PRKG1: variants seen among roughly 807,000 people sequenced by gnomAD.
PRKG1 encodes the protein protein kinase cGMP-dependent 1, also known as cGMP-dependent protein kinase 1.
PRKG1 carries 35 observed loss-of-function variants against 88.1 expected under a neutral mutation model. The observed-to-expected ratio is 0.40, with a 90% CI of 0.30 to 0.53. The LOEUF (loss-of-function observed/expected upper bound fraction) is 0.53. Among genes scored for constraint, PRKG1 ranks in the 20% least tolerant of loss-of-function variants. PRKG1 has a pLI of 0.59. For missense variants in PRKG1, 540 were observed against 839.8 expected (o/e 0.64, Z 4.41); for synonymous variants, 303 against 292.5 (o/e 1.04, Z -0.37).
intron 3 of PRKG1, among the ~76,000 whole-genome samples, chr10:51,636,067 G>A (rs1839648221): frequency 1.3e-5 from 2 of 152,044 alleles, no homozygotes; most frequent in African/African-American, 4.8e-5. Context: ...TAAATAAATG[G>A]GAAACTTCTG....
chr10:51,875,431 A>ATTGG (rs1234150560), intron 4 of PRKG1, among the ~76,000 whole-genome samples: 7 of 151,694 alleles, frequency 4.6e-5, no homozygotes, highest in East Asian at 2.0e-4. Flanking sequence ...TAATTGATTG[A>ATTGG]TTGGTTGGTT....
chr10:51,374,093 A>AAAAAAAATATATATATATATAT, intron 2 of PRKG1, among the ~76,000 whole-genome samples: 8 of 100,180 alleles, frequency 8.0e-5, no homozygotes, highest in African/African-American at 2.4e-4. Flanking sequence ...AAAAAAAAAA[A>AAAAAAAATATATATATATATAT]ATATATATAT....
intron 2 of PRKG1, among the ~76,000 whole-genome samples, chr10:51,354,191 A>C (rs1193652911): frequency 1.9e-5 from 1 of 52,296 alleles, no homozygotes; most frequent in Non-Finnish European, 3.2e-5. Context: ...GGGGACGGTT[A>C]ATGGGCACAA....
rs146383137 is a variant in PRKG1 at position 51,593,161 on chromosome 10, G to C, written c.592+125325G>C. 5.8e-4 allele frequency among the ~76,000 whole-genome samples: 88 copies of C among 152,262 alleles called. 1 individual carries two copies. Among genetic ancestry groups the C allele is most frequent in the African/African-American group, 2.0e-3 (84 of 41,558 alleles). Reference sequence around the variant, plus strand: ...CCATTTGGAGGTCTCTTCTAAATTAGTTTATTCTATTTTGCTTTTGCAGTA... The same window carrying C: ...CCATTTGGAGGTCTCTTCTAAATTACTTTATTCTATTTTGCTTTTGCAGTA... On this transcript the variant is annotated intron_variant, in intron 3 of 17. Transcript: ENST00000373980.
intron 4 of PRKG1, among the ~76,000 whole-genome samples, chr10:51,812,479 G>A (rs765619796): frequency 6.6e-6 from 1 of 152,164 alleles, no homozygotes; most frequent in Non-Finnish European, 1.5e-5. Context: ...AGTTTTCAGT[G>A]CATCTCATCG....
At chr10:52,202,723 T>C (rs958579496) in intron 9 of PRKG1, among the ~76,000 whole-genome samples, 1 of 152,060 alleles carries the variant, frequency 6.6e-6, no homozygotes, top group Non-Finnish European at 1.5e-5. Context: ...ATGACCTGTT[T>C]AGGGTTTCGG....
chr10:51,376,284 C>T (rs1372264848), intron 2 of PRKG1, among the ~76,000 whole-genome samples: 1 of 152,194 alleles, frequency 6.6e-6, no homozygotes, highest in Non-Finnish European at 1.5e-5. Flanking sequence ...TTCTAGCTTA[C>T]ATTTTTTACA....
intron 17 of PRKG1, among the ~76,000 whole-genome samples, chr10:52,291,313 G>A (rs1438984316): frequency 6.6e-6 from 1 of 151,036 alleles, no homozygotes. Flanking sequence ...GTGCAGGTTA[G>A]TTACATATGT....
At chr10:51,567,046 A>G (rs1698104827) in intron 3 of PRKG1, among the ~76,000 whole-genome samples, 1 of 152,108 alleles carries the variant, frequency 6.6e-6, no homozygotes, top group South Asian at 2.1e-4. Context: ...CACAACACTA[A>G]GTTGTTCATC....
chr10:51,847,785 T>C (rs1840438107), intron 4 of PRKG1, among the ~76,000 whole-genome samples: 1 of 131,422 alleles, frequency 7.6e-6, no homozygotes, highest in Non-Finnish European at 1.5e-5. Context: ...CTGAGGTGCT[T>C]GAACCCAGGA....
intron 9 of PRKG1, among the ~76,000 whole-genome samples, chr10:52,187,139 AC>A (rs1839221196): frequency 6.6e-6 from 1 of 152,198 alleles, no homozygotes; most frequent in African/African-American, 2.4e-5. Flanking sequence ...CAATTAATTC[AC>A]TTGGATAATC....
intron 8 of PRKG1, among the ~76,000 whole-genome samples, chr10:52,137,909 C>G (rs369173722): frequency 1.3e-5 from 2 of 152,048 alleles, no homozygotes; most frequent in African/African-American, 4.8e-5. Flanking sequence ...ACTAAAAGTT[C>G]TATTAAGATA....
rs115628146 is a variant in PRKG1, at chr10:52,205,844, T to A, written c.1076+43881T>A. The stretch of plus-strand genomic sequence containing the variant: ...TTCCTTCTCTCTAGCTGCTTAAAAT[T>A]TTTTTTTTCTTTCATGTCAACCTTG... On this transcript the variant is annotated intron_variant, in intron 9 of 17. Coordinates refer to ENST00000373980, the MANE Select transcript of PRKG1 (RefSeq NM_006258.4). 3.6e-3 allele frequency among the ~76,000 whole-genome samples: 552 copies of A among 151,856 alleles called. 3 individuals carry two copies. The highest frequency in any genetic ancestry group is 0.013 in the African/African-American group (520 of 41,410).
chr10:51,470,271 C>T (rs563538109), intron 3 of PRKG1, among the ~76,000 whole-genome samples: 2 of 151,870 alleles, frequency 1.3e-5, no homozygotes, highest in Admixed American at 1.3e-4. Flanking sequence ...ATTTTCCTGT[C>T]GTCATGTCAT....
chr10:52,129,828 T>C (rs1395486550), intron 7 of PRKG1, among the ~76,000 whole-genome samples: 1 of 152,216 alleles, frequency 6.6e-6, no homozygotes, highest in Non-Finnish European at 1.5e-5. Context: ...ATAATTTTCA[T>C]AATGATGGAC....
chr10:52,150,952 C>T (rs1837895847), intron 8 of PRKG1, among the ~76,000 whole-genome samples: 1 of 152,062 alleles, frequency 6.6e-6, no homozygotes. Flanking sequence ...TAGAATATAT[C>T]AGCTATAGAT....
intron 2 of PRKG1, among the ~76,000 whole-genome samples, chr10:51,431,647 C>T (rs1299209242): frequency 1.3e-5 from 2 of 152,102 alleles, no homozygotes; most frequent in African/African-American, 4.8e-5. Flanking sequence ...GCAGTCTATC[C>T]TCAGTTGGGG....
intron 4 of PRKG1, among the ~76,000 whole-genome samples, chr10:51,863,699 C>CCA (rs1344929454): frequency 2.0e-5 from 3 of 152,154 alleles, no homozygotes; most frequent in African/African-American, 4.8e-5. Context: ...CAAGAAGGCC[C>CCA]TCACTAAATT....
At chr10:51,879,804 C>A (rs185143822) in intron 4 of PRKG1, among the ~76,000 whole-genome samples, 20 of 152,170 alleles carry the variant, frequency 1.3e-4, no homozygotes, top group African/African-American at 4.3e-4. Flanking sequence ...GAATTGAATG[C>A]CACCTGTGGG....
Sources: allele counts gnomAD v4.1 joint callset (sites outside exome capture counted in the v4.1 genomes callset), GRCh38; gene constraint gnomAD v4.1.1; transcripts MANE v1.5; gene names NCBI Gene and HGNC (gene_info 2026-07-23, HGNC 2026-07-21).